The following ZNF91 variants were observed in gnomAD, a reference collection of about 807,000 sequenced individuals.
The protein encoded by ZNF91 is zinc finger protein 91 (HPF7, HTF10).
Under a neutral mutation model 12.6 loss-of-function variants are expected in ZNF91, and 7 were observed. The ratio of observed to expected loss-of-function variants is 0.55; its 90% CI spans 0.31 to 1.04. The LOEUF is 1.04. Among genes scored for constraint, ZNF91 ranks in the 50% least tolerant of loss-of-function variants. ZNF91 has a pLI of 0.05. For missense variants in ZNF91, 1,217 were observed against 1,385.4 expected, an observed-to-expected ratio of 0.88 and a Z score of 1.93; for synonymous variants, 453 against 462.6, an observed-to-expected ratio of 0.98 and a Z score of 0.27.
At position 23,374,658 on chromosome 19, in the gene ZNF91, T is replaced by C. The variant is rs951117631; in HGVS notation, c.137A>G (p.Tyr46Cys). 6 of 1,612,686 alleles carry C rather than the reference T, an allele frequency of 3.7e-6. No individual in the cohort carries two copies. The highest frequency in any genetic ancestry group is 5.1e-6 in the Non-Finnish European group (6 of 1,179,284). ...NLYRNVMLEN[Y>C]RNLAFLGIAL... ...CTTACCCAGGAAGGCCAGGTTTCTG[T>C]AGTTCTCTAACATCACATTCCTATA... Residue 46 changes from tyrosine to cysteine, a missense_variant, in exon 2 of 4, where the codon TAC (tyrosine) becomes TGC (cysteine). Tyr to Cys is a radical substitution (Grantham distance 194). Transcript: ENST00000300619.
rs753012071 is a variant in ZNF91, at chr19:23,362,402, T to C, written c.577A>G (p.Ile193Val). The change falls in exon 4 of 4, where the codon ATC becomes GTC. Residue 193 changes from isoleucine to valine, a missense_variant. Ile to Val is a conservative substitution (Grantham distance 29). This residue lies in a region of ZNF91 where 726 missense variants were observed against 895.5 expected (regional missense o/e 0.81). Transcript: ENST00000300619. ...TTATGTTGGGTTTTGTGTAAACGGATGCAAAATGACTTGACACATTTTTTA... is the reference window on the plus strand; with the variant it reads ...TTATGTTGGGTTTTGTGTAAACGGACGCAAAATGACTTGACACATTTTTTA... ...KCKKCVKSFC[I>V]RLHKTQHKCV... The C allele has an allele frequency of 1.9e-5, 30 of 1,613,940 alleles. No individual in the cohort carries two copies. Among genetic ancestry groups the C allele is most frequent in the Middle Eastern group, 1.6e-4 (1 of 6,080 alleles).
At chr19:23,354,131 C>T (rs1968430636), downstream of ZNF91, among the ~76,000 whole-genome samples, 1 of 152,116 alleles carries the variant, frequency 6.6e-6, no homozygotes, top group Non-Finnish European at 1.5e-5. Context: ...CAGGAAAAGA[C>T]ACGACCAAAG....
chr19:23,345,848 A>C (rs2145015466), intron 3 of ZNF91, among the ~76,000 whole-genome samples: 3 of 147,892 alleles, frequency 2.0e-5, no homozygotes, highest in Non-Finnish European at 4.5e-5. Context: ...GTACCCACTG[A>C]CCTCCCCCAC....
chr19:23,361,303 G>A lies in ZNF91; in HGVS notation c.1676C>T (p.Ser559Leu). The A allele has an allele frequency of 2.5e-6, 4 of 1,611,936 alleles. No individual in the cohort carries two copies. The highest frequency in any genetic ancestry group is 2.2e-5 in the East Asian group (1 of 44,758). The change falls in exon 4 of 4, where the codon TCA becomes TTA. Residue 559 changes from serine (S) to leucine (L), a missense_variant. This residue lies in a region of ZNF91 where 726 missense variants were observed against 895.5 expected (regional missense o/e 0.81). Coordinates refer to ENST00000300619, the MANE Select transcript of ZNF91 (RefSeq NM_003430.4). ...AATTATTTTATGTGTAGTAAGGGTTGAGAATTGCTTAAAAGCTTTGCCACA... is the reference window on the plus strand; with the variant it reads ...AATTATTTTATGTGTAGTAAGGGTTAAGAATTGCTTAAAAGCTTTGCCACA... ...KECGKAFKQF[S>L]TLTTHKIIHA... is the part of the protein sequence containing the mutation.
At chr19:23,367,978 C>T (rs1004052565) in intron 3 of ZNF91, among the ~76,000 whole-genome samples, 49 of 152,022 alleles carry the variant, frequency 3.2e-4, no homozygotes, top group Admixed American at 5.9e-4. Flanking sequence ...GGCGCAGTCT[C>T]GGCTCACTGC....
intron 3 of ZNF91, chr19:23,306,992 T>C (rs1022545060): frequency 6.6e-6 from 1 of 152,198 alleles, no homozygotes; most frequent in Non-Finnish European, 1.5e-5. Flanking sequence ...CGTTTTGCCA[T>C]GTTGGCCAGG....
At chr19:23,373,933 T>C (rs570539879) in intron 2 of ZNF91, 96 bp from the exon 3 acceptor site, 1 of 679,380 alleles carries the variant, frequency 1.5e-6, no homozygotes, top group South Asian at 3.5e-5. Context: ...TAGAATATTC[T>C]AATAAATTGT....
intron 1 of ZNF91, among the ~76,000 whole-genome samples, chr19:23,323,791 T>G (rs1427562756): frequency 6.6e-6 from 1 of 150,936 alleles, no homozygotes; most frequent in South Asian, 2.1e-4. Context: ...TTCTTCTTCC[T>G]CCTTCTCCTC....
chr19:23,369,254 G>A (rs1399877307), intron 3 of ZNF91, among the ~76,000 whole-genome samples: 5 of 151,748 alleles, frequency 3.3e-5, no homozygotes, highest in Admixed American at 2.0e-4. Context: ...AGGTTGGAGT[G>A]TGATAGGATC....
intron 1 of ZNF91, among the ~76,000 whole-genome samples, chr19:23,320,415 A>G (rs556263574): frequency 7.2e-4 from 110 of 152,348 alleles, no homozygotes; most frequent in Middle Eastern, 3.4e-3. Context: ...CAGGTAATTT[A>G]GGTAGAAAAG....
rs202199647 is a variant in ZNF91 at position 23,372,223 on chromosome 19, TAAA to T, written c.253+1516_253+1518del. Among the ~76,000 whole-genome samples, 5 of 141,760 alleles carry T rather than the reference TAAA, an allele frequency of 3.5e-5. No individual in the cohort carries two copies. The South Asian group carries it at 1.1e-3, about 32-fold the overall frequency. 93.0% of individuals were successfully genotyped at this position (141,760 alleles called of 152,430 possible). ...TATATGGAGAGTGACATTAATAAGA[TAAA>T]AAAAAAAAGATGCCCTATTTGCTTA... On this transcript the variant is annotated intron_variant, in intron 3 of 3. Transcript: ENST00000300619.
In ZNF91 at chr19:23,362,309, T is replaced by C. The variant is rs751528872; in HGVS notation, c.670A>G (p.Thr224Ala). The change falls in exon 4 of 4, where the codon ACC becomes GCC. Residue 224 changes from threonine (T) to alanine (A), a missense_variant. Physicochemically the swap from Thr to Ala is moderately conservative, Grantham distance 58. Around this residue, in one of 2 missense-constraint regions of ZNF91, gnomAD observed 726 missense variants for 895.5 expected, o/e 0.81. Transcript: ENST00000300619. ...ECEKTFHWSS[T>A]LTNHKEIHTE... ...TGAATTTCCTTATGATTAGTAAGGG[T>C]TGAGGACCAATGAAAGGTTTTTTCA... 126 of 1,613,670 alleles carry C rather than the reference T, an allele frequency of 7.8e-5. No homozygotes were observed. The highest frequency in any genetic ancestry group is 1.0e-4 in the Non-Finnish European group (122 of 1,179,896).
chr19:23,389,271 C>T (rs1399019692), intron 1 of ZNF91, among the ~76,000 whole-genome samples: 2 of 152,080 alleles, frequency 1.3e-5, no homozygotes, highest in Non-Finnish European at 2.9e-5. Flanking sequence ...TGGGTCCATG[C>T]AGGCAGATGA....
Position 23,359,945 on chromosome 19 carries a change from G to A in ZNF91, c.3034C>T (p.His1012Tyr). 1.2e-6 allele frequency: 2 copies of A among 1,611,788 alleles called. No homozygotes were observed. Among genetic ancestry groups the A allele is most frequent in the Non-Finnish European group, 1.7e-6 (2 of 1,179,084 alleles). ...TTCTCTCCAGTGTGCATCCTCGTAT[G>A]TCTAGTTAGGGTTGAGGATTGGCTA... ...AFSQSSTLTR[H>Y]TRMHTGEKPY... Residue 1012 changes from histidine (H) to tyrosine (Y), a missense_variant, in exon 4 of 4, where the codon CAT becomes TAT. By Grantham distance (83) the His-to-Tyr change is moderately conservative. Around this residue, in one of 2 missense-constraint regions of ZNF91, gnomAD observed 491 missense variants for 489.8 expected, o/e 1.00. Coordinates refer to ENST00000300619, the MANE Select transcript of ZNF91 (RefSeq NM_003430.4).
At position 23,371,679 on chromosome 19, in the gene ZNF91, G is replaced by GTTAATTAACAAA. The variant is rs1465836981; in HGVS notation, c.253+2062_253+2063insTTTGTTAATTAA. Reference sequence around the variant, plus strand: ...AATCTAGTTGGCAACATTAATGTACGTTAACAAATAATTTGTCTAGAAAAC... The same window carrying GTTAATTAACAAA: ...AATCTAGTTGGCAACATTAATGTACGTTAATTAACAAATTAACAAATAATTTGTCTAGAAAAC... On this transcript the variant is annotated intron_variant, in intron 3 of 3. Transcript: ENST00000300619. Among the ~76,000 whole-genome samples, 3 of 152,254 alleles carry GTTAATTAACAAA rather than the reference G, an allele frequency of 2.0e-5. No individual in the cohort carries two copies. The East Asian group carries it at 5.8e-4, about 29-fold the overall frequency.
chr19:23,327,929 A>C (rs1568369652), intron 1 of ZNF91: 1 of 152,248 alleles, frequency 6.6e-6, no homozygotes, highest in Non-Finnish European at 1.5e-5. Flanking sequence ...AAGTTTTCAA[A>C]GAACGATTTT....
Position 23,359,226 on chromosome 19 carries a change from CTTTTTT to C in ZNF91, c.*171_*176del, listed in dbSNP as rs71163490. On this transcript the variant is annotated 3_prime_UTR_variant, in exon 4 of 4. Transcript: ENST00000300619. ...AGGGTTTCTCTCTAGTATGAATTTT[CTTTTTT>C]TTTTTTTTGAGACGGAGTCTCGCTC... 3.0e-6 allele frequency: 1 copy of C among 335,622 alleles called. No individual in the cohort carries two copies. The highest frequency in any genetic ancestry group is 5.5e-6 in the Non-Finnish European group (1 of 180,482). The allele number at this position is 335,622 out of a possible 1,614,324, so 20.8% of individuals were successfully genotyped here. A position where few individuals can be genotyped will look rare whatever the true frequency, so the allele number is the denominator to read the frequency against.
intron 1 of ZNF91, among the ~76,000 whole-genome samples, chr19:23,309,935 T>C (rs1967447917): frequency 1.3e-5 from 2 of 152,132 alleles, no homozygotes; most frequent in African/African-American, 4.8e-5. Context: ...ACTGGTGAGG[T>C]ACTTAATCTC....
chr19:23,323,776 T>C (rs996694612), intron 1 of ZNF91, among the ~76,000 whole-genome samples: 1 of 137,246 alleles, frequency 7.3e-6, no homozygotes, highest in African/African-American at 3.5e-5. Flanking sequence ...GTCTCCTCCT[T>C]CTCTTTCTTC....
Sources: gnomAD v4.1 joint callset for allele counts (sites outside exome capture counted in the v4.1 genomes callset) on GRCh38, gnomAD v4.1.1 for gene constraint, gnomAD v4.1.1 regional missense constraint, MANE v1.5 for transcripts, NCBI Gene and HGNC (gene_info 2026-07-23, HGNC 2026-07-21) for gene names.